The following RORA variants were observed in gnomAD, a reference collection of about 807,000 sequenced individuals.
The protein encoded by RORA is nuclear receptor ROR-alpha.
A neutral mutation model predicts 69.5 loss-of-function variants in RORA; 7 were observed. The ratio of observed to expected loss-of-function variants is 0.10; its 90% CI spans 0.06 to 0.19. RORA has a LOEUF of 0.19. Ranked by LOEUF, RORA falls within the 10% of genes least tolerant of loss-of-function variation. The pLI is 1.00. For synonymous variants in RORA, 261 were observed against 240.8 expected, an observed-to-expected ratio of 1.08 and a Z score of -0.78; for missense variants, 457 against 663.0, an observed-to-expected ratio of 0.69 and a Z score of 3.41.
chr15:60,670,603 A>C (rs1321008466), intron 2 of RORA, among the ~76,000 whole-genome samples: 1 of 152,206 alleles, frequency 6.6e-6, no homozygotes, highest in Non-Finnish European at 1.5e-5. Flanking sequence ...TACAAAATCA[A>C]GAAGGGAAAG....
At chr15:60,608,844 C>T (rs2140575597) in intron 2 of RORA, among the ~76,000 whole-genome samples, 1 of 152,270 alleles carries the variant, frequency 6.6e-6, no homozygotes, top group Non-Finnish European at 1.5e-5. Context: ...GGCCTTATAA[C>T]AATCTACAGT....
chr15:60,677,374 C>A, intron 2 of RORA: 1 of 371,402 alleles, frequency 2.7e-6, no homozygotes, highest in South Asian at 1.9e-5. Flanking sequence ...CACAGACTAC[C>A]CTGATGGAGG....
intron 1 of RORA, among the ~76,000 whole-genome samples, chr15:61,151,101 C>G (rs1239438746): frequency 2.2e-5 from 1 of 44,446 alleles, no homozygotes; most frequent in East Asian, 5.5e-4. Flanking sequence ...TCATGAATAG[C>G]ACTCTTTTAC....
At chr15:60,547,238 C>T (rs1384205467) in intron 2 of RORA, among the ~76,000 whole-genome samples, 4 of 152,044 alleles carry the variant, frequency 2.6e-5, no homozygotes, top group African/African-American at 9.7e-5. Context: ...TTGTCATTGC[C>T]CCAAACTACT....
intron 1 of RORA, among the ~76,000 whole-genome samples, chr15:61,198,364 G>C (rs933553488): frequency 1.3e-5 from 2 of 152,168 alleles, no homozygotes; most frequent in East Asian, 1.9e-4. Context: ...TAGGAGACTT[G>C]AGTGCTGATG....
chr15:61,100,108 TTTTC>T (rs1278429019), intron 1 of RORA, among the ~76,000 whole-genome samples: 4 of 142,868 alleles, frequency 2.8e-5, no homozygotes, highest in Non-Finnish European at 6.1e-5. Flanking sequence ...GAATGGTCAA[TTTTC>T]TTTTTTTTTT....
At chr15:61,186,380 C>T (rs1009890695) in intron 1 of RORA, among the ~76,000 whole-genome samples, 4 of 152,222 alleles carry the variant, frequency 2.6e-5, no homozygotes, top group Admixed American at 2.6e-4. Context: ...GTGGCTCATG[C>T]CTGTAATCCC....
At chr15:61,054,795 T>C (rs532678921) in intron 1 of RORA, among the ~76,000 whole-genome samples, 4 of 151,844 alleles carry the variant, frequency 2.6e-5, no homozygotes, top group Admixed American at 6.6e-5. Context: ...ATCATGCATT[T>C]AAAACAGTTT....
At position 60,724,494 on chromosome 15, in the gene RORA, G is replaced by C. The variant is rs75200733; in HGVS notation, c.167-45808C>G. On this transcript the variant is annotated intron_variant, in intron 1 of 10. Transcript: ENST00000335670. ...CTCCTTGTGTTTTATCCAGGTGTTC[G>C]GGCTCTCCAGGTCTCCTGATGGGAC... Among the ~76,000 whole-genome samples the C allele has an allele frequency of 1.4e-3, 215 of 152,186 alleles. 2 individuals are homozygous for C. In the East Asian group the frequency reaches 0.036, roughly 25 times the overall value.
At chr15:60,984,627 A>G (rs2140363366) in intron 1 of RORA, among the ~76,000 whole-genome samples, 1 of 152,246 alleles carries the variant, frequency 6.6e-6, no homozygotes, top group Non-Finnish European at 1.5e-5. Flanking sequence ...GTTCATTTGG[A>G]GCAGAGCTGA....
intron 1 of RORA, among the ~76,000 whole-genome samples, chr15:60,720,783 C>T (rs1383899625): frequency 6.6e-6 from 1 of 152,110 alleles, no homozygotes; most frequent in African/African-American, 2.4e-5. Context: ...CTCTATTGCC[C>T]GTAAGAATGA....
chr15:60,751,897 T>C (rs904156768), intron 1 of RORA, among the ~76,000 whole-genome samples: 1 of 152,184 alleles, frequency 6.6e-6, no homozygotes, highest in African/African-American at 2.4e-5. Context: ...GGGACTTTAT[T>C]TCTCACCCCT....
At chr15:60,893,881 G>A (rs1025281089) in intron 1 of RORA, among the ~76,000 whole-genome samples, 1 of 152,182 alleles carries the variant, frequency 6.6e-6, no homozygotes, top group African/African-American at 2.4e-5. Context: ...TAATGGACCT[G>A]CCCAAGGTTA....
At chr15:60,965,040 T>C (rs1373904896) in intron 1 of RORA, among the ~76,000 whole-genome samples, 2 of 152,168 alleles carry the variant, frequency 1.3e-5, no homozygotes, top group Non-Finnish European at 2.9e-5. Flanking sequence ...GTAGCAAACA[T>C]TTATTGAGTG....
chr15:60,699,007 G>A (rs1016235184), intron 1 of RORA, among the ~76,000 whole-genome samples: 4 of 151,890 alleles, frequency 2.6e-5, no homozygotes, highest in Non-Finnish European at 4.4e-5. Context: ...TAAGACTTCT[G>A]TATAGTTAAT....
intron 1 of RORA, among the ~76,000 whole-genome samples, chr15:61,039,590 C>T (rs1437062143): frequency 6.6e-6 from 1 of 151,642 alleles, no homozygotes; most frequent in African/African-American, 2.4e-5. Flanking sequence ...TAAGAAAATA[C>T]AAAAATTAGC....
At chr15:61,203,096 G>A (rs886254672) in intron 1 of RORA, among the ~76,000 whole-genome samples, 2 of 152,136 alleles carry the variant, frequency 1.3e-5, no homozygotes, top group Admixed American at 6.5e-5. Context: ...TTTTTAAGAA[G>A]TTTTAAAGAA....
chr15:60,859,893 AC>A (rs1216681692), intron 1 of RORA, among the ~76,000 whole-genome samples: 1 of 151,596 alleles, frequency 6.6e-6, no homozygotes, highest in Non-Finnish European at 1.5e-5. Flanking sequence ...GAATGCTGCA[AC>A]CCTCTCTCCT....
intron 1 of RORA, among the ~76,000 whole-genome samples, chr15:60,819,980 A>G (rs965754622): frequency 2.0e-5 from 3 of 152,248 alleles, no homozygotes; most frequent in African/African-American, 7.2e-5. Context: ...GCCCCAGGGC[A>G]GTCTGGAAGG....
Sources: gnomAD v4.1 joint callset for allele counts (sites outside exome capture counted in the v4.1 genomes callset) on GRCh38, gnomAD v4.1.1 for gene constraint, MANE v1.5 for transcripts, NCBI Gene and HGNC (gene_info 2026-07-23, HGNC 2026-07-21) for gene names.